The following PDE7B variants were observed in gnomAD, a reference collection of about 807,000 sequenced individuals.
PDE7B encodes phosphodiesterase 7B.
Under a neutral mutation model 56.2 loss-of-function variants are expected in PDE7B, and 29 were observed. That is an observed-to-expected ratio of 0.52 (90% CI 0.38 to 0.70). The LOEUF is 0.70. Among genes scored for constraint, PDE7B ranks in the 30% least tolerant of loss-of-function variants. The probability of loss-of-function intolerance (pLI) is 0.00; values close to 1 mark genes in which losing one functional copy is unlikely to be tolerated. For synonymous variants in PDE7B, 197 were observed against 196.9 expected, an observed-to-expected ratio of 1.00 and a Z score of 0.00; for missense variants, 490 against 565.0, an observed-to-expected ratio of 0.87 and a Z score of 1.35.
chr6:135,903,217 A>C (rs1107666), intron 1 of PDE7B, among the ~76,000 whole-genome samples: 17,431 of 152,228 alleles, frequency 0.11, 1,128 homozygotes, highest in Middle Eastern at 0.14. Flanking sequence ...ACTGTACTCA[A>C]CACCTCACAT....
intron 2 of PDE7B, among the ~76,000 whole-genome samples, chr6:136,032,001 T>TA (rs1299724105): frequency 4.6e-5 from 7 of 152,186 alleles, no homozygotes; most frequent in Non-Finnish European, 7.3e-5. Context: ...CTCACTTATT[T>TA]TAAAAAATTA....
At chr6:136,036,926 C>T (rs986814613) in intron 2 of PDE7B, among the ~76,000 whole-genome samples, 5 of 152,218 alleles carry the variant, frequency 3.3e-5, no homozygotes, top group African/African-American at 1.2e-4. Context: ...AACTACCCTA[C>T]TTTCGTTTCT....
At chr6:136,020,996 G>T (rs1216536376) in intron 2 of PDE7B, among the ~76,000 whole-genome samples, 1 of 152,128 alleles carries the variant, frequency 6.6e-6, no homozygotes, top group Non-Finnish European at 1.5e-5. Context: ...ACGTCTTTCT[G>T]ATCTATTTTT....
intron 3 of PDE7B, among the ~76,000 whole-genome samples, chr6:136,138,589 G>A (rs1299663037): frequency 6.6e-6 from 1 of 152,042 alleles, no homozygotes; most frequent in Non-Finnish European, 1.5e-5. Flanking sequence ...TTAGCTTTAT[G>A]TATGTCCTCA....
intron 2 of PDE7B, among the ~76,000 whole-genome samples, chr6:136,075,992 C>T (rs1174174683): frequency 6.6e-6 from 1 of 152,032 alleles, no homozygotes; most frequent in South Asian, 2.1e-4. Context: ...ACCTGCTTAC[C>T]CCAAAGCCTT....
intron 1 of PDE7B, among the ~76,000 whole-genome samples, chr6:135,877,940 T>C (rs1298676038): frequency 2.0e-5 from 3 of 152,092 alleles, no homozygotes; most frequent in African/African-American, 7.2e-5. Flanking sequence ...AGTCATTGGT[T>C]GAGGGTTACT....
intron 1 of PDE7B, among the ~76,000 whole-genome samples, chr6:135,934,038 T>C (rs1774344925): frequency 6.6e-6 from 1 of 152,178 alleles, no homozygotes; most frequent in African/African-American, 2.4e-5. Flanking sequence ...TCACCTCTAT[T>C]TGGTATTTGC....
Position 135,996,341 on chromosome 6 carries a change from T to C in PDE7B, c.82+48817T>C, listed in dbSNP as rs150156666. Among the ~76,000 whole-genome samples the C allele has an allele frequency of 2.0e-5, 3 of 152,328 alleles. No individual in the cohort carries two copies. In the East Asian group the frequency reaches 5.8e-4, roughly 29 times the overall value. ...CTTGCTGTTATATAGATCACAAATA[T>C]GTTTGAGCTAAAAATTAACTTCAGT... On this transcript the variant is annotated intron_variant, in intron 2 of 12. Transcript: ENST00000308191.
intron 2 of PDE7B, among the ~76,000 whole-genome samples, chr6:136,019,751 T>C (rs549201446): frequency 4.6e-5 from 7 of 152,318 alleles, no homozygotes; most frequent in Non-Finnish European, 1.0e-4. Flanking sequence ...TTATGTATCA[T>C]TTACTGTATT....
At chr6:136,048,249 C>A (rs183513810) in intron 2 of PDE7B, among the ~76,000 whole-genome samples, 1 of 152,012 alleles carries the variant, frequency 6.6e-6, no homozygotes, top group Admixed American at 6.6e-5. Context: ...ATGGGCTGGG[C>A]GCGGTGGCTC....
In PDE7B at chr6:136,038,307, G is replaced by A. The variant is rs761363771; in HGVS notation, c.83-70424G>A. On this transcript the variant is annotated intron_variant, in intron 2 of 12. Coordinates refer to ENST00000308191, the MANE Select transcript of PDE7B (RefSeq NM_018945.4). ...CAAGACAGAATGCCTGTGCTAGAGC[G>A]ATATTTCCACCCAGCAGAGCTAGGC... 325 of 1,295,090 alleles carry A rather than the reference G, an allele frequency of 2.5e-4. 6 individuals are homozygous for A. The South Asian group carries it at 3.1e-3, about 12-fold the overall frequency. 80.2% of individuals were successfully genotyped at this position (1,295,090 alleles called of 1,614,324 possible). A position where few individuals can be genotyped will look rare whatever the true frequency, so the allele number is the denominator to read the frequency against.
intron 3 of PDE7B, among the ~76,000 whole-genome samples, chr6:136,141,039 G>T (rs570793057): frequency 1.2e-4 from 18 of 152,228 alleles, no homozygotes; most frequent in Non-Finnish European, 7.4e-5. Context: ...TCCCTGTATT[G>T]TGCCAGTTTT....
intron 2 of PDE7B, among the ~76,000 whole-genome samples, chr6:135,997,117 G>A (rs1023401710): frequency 1.3e-5 from 2 of 151,826 alleles, no homozygotes; most frequent in African/African-American, 4.8e-5. Context: ...TATTGACCAT[G>A]TGGTAATTTC....
At chr6:136,181,468 G>A in intron 11 of PDE7B, 145 bp downstream of exon 11, 2 of 609,374 alleles carry the variant, frequency 3.3e-6, no homozygotes, top group Non-Finnish European at 2.9e-6. Flanking sequence ...TTACTCTCTT[G>A]GAACTCATCC....
At chr6:135,857,276 T>G (rs1775053596) in intron 1 of PDE7B, among the ~76,000 whole-genome samples, 1 of 152,150 alleles carries the variant, frequency 6.6e-6, no homozygotes, top group Non-Finnish European at 1.5e-5. Context: ...TATTTTTTTC[T>G]TATTAATACC....
chr6:136,006,504 G>C (rs1362189003), intron 2 of PDE7B, among the ~76,000 whole-genome samples: 1 of 152,130 alleles, frequency 6.6e-6, no homozygotes, highest in Non-Finnish European at 1.5e-5. Flanking sequence ...TCTTTGGGAA[G>C]CATGGCCATT....
chr6:136,101,869 A>G (rs1777568483), intron 2 of PDE7B, among the ~76,000 whole-genome samples: 1 of 152,216 alleles, frequency 6.6e-6, no homozygotes, highest in South Asian at 2.1e-4. Flanking sequence ...GTGAAGAAAC[A>G]CCAGGATAAA....
chr6:135,925,478 T>A (rs1367305318), intron 1 of PDE7B, among the ~76,000 whole-genome samples: 3 of 152,188 alleles, frequency 2.0e-5, no homozygotes, highest in East Asian at 3.8e-4. Context: ...TTCTTCTGTT[T>A]ACTACAAAAA....
At chr6:135,939,340 TG>T (rs1774470742) in intron 1 of PDE7B, among the ~76,000 whole-genome samples, 1 of 152,164 alleles carries the variant, frequency 6.6e-6, no homozygotes, top group African/African-American at 2.4e-5. Flanking sequence ...TGGCTGAGGT[TG>T]GGCTGGACGA....
Sources: gnomAD v4.1 joint callset for allele counts (sites outside exome capture counted in the v4.1 genomes callset) on GRCh38, gnomAD v4.1.1 for gene constraint, MANE v1.5 for transcripts, NCBI Gene and HGNC (gene_info 2026-07-23, HGNC 2026-07-21) for gene names.